SRPX: variants seen among roughly 807,000 people sequenced by gnomAD.
SRPX encodes the protein sushi repeat-containing protein SRPX.
In SRPX, 24 loss-of-function variants were observed where a neutral mutation model predicts 38.1. The observed-to-expected ratio is 0.63, with a 90% CI of 0.46 to 0.89. The LOEUF (loss-of-function observed/expected upper bound fraction) is 0.89. Among genes scored for constraint, SRPX ranks in the 40% least tolerant of loss-of-function variants. SRPX has a pLI of 0.00. For missense variants in SRPX, 416 were observed against 377.8 expected, an observed-to-expected ratio of 1.10 and a Z score of -0.84; for synonymous variants, 184 against 153.8, an observed-to-expected ratio of 1.20 and a Z score of -1.45.
At chrX:38,151,410 A>G (rs1237533037) in intron 9 of SRPX, among the ~76,000 whole-genome samples, 1 of 112,061 alleles carries the variant, frequency 8.9e-6, no homozygotes, top group Non-Finnish European at 1.9e-5. Flanking sequence ...CTCAGGAAAC[A>G]GAGGAATAGG....
intron 1 of SRPX, among the ~76,000 whole-genome samples, chrX:38,208,123 C>T (rs1337039393): frequency 8.9e-6 from 1 of 111,974 alleles, no homozygotes. Flanking sequence ...CATCTTAAAT[C>T]CATTTATGCC....
chrX:38,180,367 C>T (rs1349728581), intron 1 of SRPX, among the ~76,000 whole-genome samples: 3 of 111,598 alleles, frequency 2.7e-5, no homozygotes, highest in Non-Finnish European at 5.6e-5. Flanking sequence ...ATCAGCCTGC[C>T]ATTTGGACAT....
At chrX:38,156,798 G>A in intron 8 of SRPX, 98 bp downstream of exon 8, 1 of 997,137 alleles carries the variant, frequency 1.0e-6, no homozygotes, top group Non-Finnish European at 1.3e-6. Flanking sequence ...CACTGTAAGT[G>A]CATTAGGCAC....
intron 4 of SRPX, among the ~76,000 whole-genome samples, chrX:38,168,736 G>A (rs1938408161): frequency 8.9e-6 from 1 of 112,430 alleles, no homozygotes. Context: ...CCCAGCCAGA[G>A]CGTAATCTCT....
At chrX:38,180,816 T>C (rs1194988793) in intron 1 of SRPX, among the ~76,000 whole-genome samples, 2 of 112,356 alleles carry the variant, frequency 1.8e-5, no homozygotes, top group Non-Finnish European at 3.8e-5. Context: ...TGAAGAGGTT[T>C]CTTAACATGG....
At chrX:38,215,660 G>A (rs1939412557) in intron 1 of SRPX, among the ~76,000 whole-genome samples, 1 of 112,051 alleles carries the variant, frequency 8.9e-6, no homozygotes, top group African/African-American at 3.2e-5. Flanking sequence ...TCCTACAGGG[G>A]AGATTTGAAA....
intron 1 of SRPX, among the ~76,000 whole-genome samples, chrX:38,178,756 T>C (rs1432300612): frequency 9.0e-6 from 1 of 111,142 alleles, no homozygotes; most frequent in African/African-American, 3.3e-5. Flanking sequence ...GTGTTTATGG[T>C]ACCTGAAAAC....
At chrX:38,210,699 T>C (rs945321408) in intron 1 of SRPX, among the ~76,000 whole-genome samples, 4 of 112,472 alleles carry the variant, frequency 3.6e-5, no homozygotes, top group Admixed American at 9.4e-5. Flanking sequence ...ATCTAAGATA[T>C]CAGGAGGCTA....
At position 38,181,457 on chromosome X, in the gene SRPX, A is replaced by C. The variant is rs1474663178; in HGVS notation, c.98-3113T>G. 2.7e-5 allele frequency among the ~76,000 whole-genome samples: 3 copies of C among 112,273 alleles called. No individual in the cohort carries two copies. The Admixed American group carries it at 2.8e-4, about 11-fold the overall frequency. Reference sequence around the variant, plus strand: ...AAGGAACTCTTTTCTACAGTTGTGCATGCAGAAAATAGGCTACAGCAGATG... The same window carrying C: ...AAGGAACTCTTTTCTACAGTTGTGCCTGCAGAAAATAGGCTACAGCAGATG... On this transcript the variant is annotated intron_variant, in intron 1 of 9. Transcript: ENST00000378533.
rs1938238734 is a variant in SRPX, at chrX:38,160,899, AG to A, written c.775+33del. 5.8e-6 allele frequency: 7 copies of A among 1,197,467 alleles called. No individual in the cohort carries two copies. In the South Asian group the frequency reaches 1.3e-4, roughly 22 times the overall value. On this transcript the variant is annotated intron_variant, in intron 6 of 9. Transcript: ENST00000378533. ...TACTTCCCTTTGCTCTTCTAAAGAGAGGGGGAAACAAAACCAATAAGCAGTA... is the reference window on the plus strand; with the variant it reads ...TACTTCCCTTTGCTCTTCTAAAGAGAGGGGAAACAAAACCAATAAGCAGTA...
intron 4 of SRPX, among the ~76,000 whole-genome samples, chrX:38,170,790 A>G (rs1938451980): frequency 9.0e-6 from 1 of 111,614 alleles, no homozygotes; most frequent in Non-Finnish European, 1.9e-5. Context: ...TCCCTAGAGT[A>G]CTCTGCCAAA....
At chrX:38,196,123 A>G (rs1046268458) in intron 1 of SRPX, among the ~76,000 whole-genome samples, 1 of 112,199 alleles carries the variant, frequency 8.9e-6, no homozygotes, top group African/African-American at 3.2e-5. Context: ...AACAAAAAAA[A>G]TAGGAAGAAA....
intron 1 of SRPX, among the ~76,000 whole-genome samples, chrX:38,203,286 C>T (rs1569214198): frequency 9.0e-6 from 1 of 111,499 alleles, no homozygotes; most frequent in African/African-American, 3.3e-5. Context: ...AGAATGTCTT[C>T]AACCTGATGA....
At chrX:38,164,685 A>C in intron 5 of SRPX, 84 bp downstream of exon 5, 1 of 1,057,436 alleles carries the variant, frequency 9.5e-7, no homozygotes, top group Non-Finnish European at 1.3e-6. Context: ...TAAATAGACC[A>C]GCATATATAC....
chrX:38,191,630 A>T (rs1446798028), intron 1 of SRPX, among the ~76,000 whole-genome samples: 1 of 111,331 alleles, frequency 9.0e-6, no homozygotes, highest in Non-Finnish European at 1.9e-5. Flanking sequence ...TGAACCCAAG[A>T]TGAGCTCTAT....
At chrX:38,204,209 G>A (rs1299062214) in intron 1 of SRPX, among the ~76,000 whole-genome samples, 1 of 111,712 alleles carries the variant, frequency 9.0e-6, no homozygotes, top group African/African-American at 3.3e-5. Flanking sequence ...CAGAATACTA[G>A]CAAGGTTTTG....
intron 4 of SRPX, 52 bp from the exon 5 acceptor site, chrX:38,164,947 A>T (rs770061677): frequency 1.8e-6 from 2 of 1,134,614 alleles, no homozygotes; most frequent in East Asian, 6.0e-5. Flanking sequence ...ATCTAGTCAA[A>T]CTGGGGTTCA....
chrX:38,218,880 C>T (rs1319255348), intron 1 of SRPX, among the ~76,000 whole-genome samples: 1 of 111,579 alleles, frequency 9.0e-6, no homozygotes, highest in African/African-American at 3.3e-5. Context: ...CCCCATTGAG[C>T]CATGCCAAAA....
intron 1 of SRPX, among the ~76,000 whole-genome samples, chrX:38,182,449 G>A (rs1470693787): frequency 9.0e-6 from 1 of 111,679 alleles, no homozygotes; most frequent in Non-Finnish European, 1.9e-5. Flanking sequence ...CTGGTTGCCT[G>A]TCCAGCAGCC....
Sources: gnomAD v4.1 joint callset for allele counts (sites outside exome capture counted in the v4.1 genomes callset) on GRCh38, gnomAD v4.1.1 for gene constraint, MANE v1.5 for transcripts, NCBI Gene and HGNC (gene_info 2026-07-23, HGNC 2026-07-21) for gene names.